CNTNAP2: variants seen among roughly 807,000 people sequenced by gnomAD.
CNTNAP2 encodes the protein contactin associated protein 2.
Under a neutral mutation model 155.2 loss-of-function variants are expected in CNTNAP2, and 98 were observed. That is an observed-to-expected ratio of 0.63 (90% confidence interval 0.54 to 0.75). The LOEUF is 0.75. CNTNAP2 is among the 30% of genes least tolerant of loss of function. The pLI, the probability that CNTNAP2 is intolerant of heterozygous loss-of-function variation, is 0.00. For synonymous variants in CNTNAP2, 651 were observed against 631.2 expected (o/e 1.03, Z -0.47); for missense variants, 1,727 against 1,688.1 (o/e 1.02, Z -0.40).
chr7:147,588,895 G>A (rs1800685404), intron 12 of CNTNAP2, among the ~76,000 whole-genome samples: 1 of 152,056 alleles, frequency 6.6e-6, no homozygotes, highest in East Asian at 1.9e-4. Flanking sequence ...TTAATTGTAG[G>A]GACCACGAAA....
At chr7:148,032,326 G>T (rs1382055470) in intron 15 of CNTNAP2, among the ~76,000 whole-genome samples, 2 of 152,140 alleles carry the variant, frequency 1.3e-5, no homozygotes, top group Non-Finnish European at 2.9e-5. Flanking sequence ...GGTACAGATG[G>T]TGTCTCAGAC....
At chr7:147,939,607 G>A (rs567228020) in intron 14 of CNTNAP2, among the ~76,000 whole-genome samples, 8 of 152,234 alleles carry the variant, frequency 5.3e-5, no homozygotes, top group South Asian at 4.1e-4. Flanking sequence ...GATTACAGGC[G>A]TGAGCCACCA....
chr7:146,472,333 A>G (rs1796811960), intron 1 of CNTNAP2, among the ~76,000 whole-genome samples: 1 of 152,210 alleles, frequency 6.6e-6, no homozygotes. Context: ...TGCACTTATT[A>G]TGTTCCATAT....
chr7:148,169,941 T>C (rs1335124617), intron 17 of CNTNAP2, among the ~76,000 whole-genome samples: 2 of 147,772 alleles, frequency 1.4e-5, no homozygotes, highest in African/African-American at 2.6e-5. Context: ...GCCTAAACAA[T>C]AGAGTGAAAA....
At chr7:146,359,990 A>G (rs1795059591) in intron 1 of CNTNAP2, among the ~76,000 whole-genome samples, 1 of 152,194 alleles carries the variant, frequency 6.6e-6, no homozygotes, top group Non-Finnish European at 1.5e-5. Context: ...AGGGGTTCAA[A>G]TTACCTTAGT....
chr7:147,042,543 AT>A (rs893273201), intron 3 of CNTNAP2, among the ~76,000 whole-genome samples: 358 of 151,270 alleles, frequency 2.4e-3, no homozygotes, highest in African/African-American at 5.0e-3. Context: ...GCTACTCTGT[AT>A]TTTTTTTTAA....
rs182591326 is a variant in CNTNAP2 at position 147,626,480 on chromosome 7, A to C, written c.1898-12626A>C. On this transcript the variant is annotated intron_variant, in intron 12 of 23. Coordinates refer to ENST00000361727, the MANE Select transcript of CNTNAP2 (RefSeq NM_014141.6). ...ACAGTGGCTATAGCAAGCCCCAGCC[A>C]AGGAGAGGCTGAGCTCAGACCTGCA... is the stretch of plus-strand genomic sequence containing the variant. Among the ~76,000 whole-genome samples the C allele has an allele frequency of 1.9e-3, 292 of 152,256 alleles. 1 individual carries two copies. The highest frequency in any genetic ancestry group is 6.5e-3 in the African/African-American group (269 of 41,560).
intron 1 of CNTNAP2, among the ~76,000 whole-genome samples, chr7:146,654,646 G>A (rs928038440): frequency 5.9e-5 from 9 of 152,144 alleles, no homozygotes; most frequent in African/African-American, 2.2e-4. Context: ...TGATTTGGTT[G>A]CATAATTTAA....
Position 148,397,392 on chromosome 7 carries a change from T to C in CNTNAP2, c.3716-11999T>C, listed in dbSNP as rs151172438. On this transcript the variant is annotated intron_variant, in intron 22 of 23. Coordinates refer to ENST00000361727, the MANE Select transcript of CNTNAP2 (RefSeq NM_014141.6). Reference sequence around the variant, plus strand: ...CTAGCATTATGAAGTGGAAAATGCATATATTTCAGATTCAGTTATTTTTTT... The same window carrying C: ...CTAGCATTATGAAGTGGAAAATGCACATATTTCAGATTCAGTTATTTTTTT... 5.6e-3 allele frequency among the ~76,000 whole-genome samples: 847 copies of C among 152,378 alleles called. 7 individuals are homozygous for C. The highest frequency in any genetic ancestry group is 0.024 in the South Asian group (118 of 4,826).
chr7:146,245,218 T>TA (rs1799625602), intron 1 of CNTNAP2, among the ~76,000 whole-genome samples: 1 of 151,886 alleles, frequency 6.6e-6, no homozygotes, highest in African/African-American at 2.4e-5. Context: ...ATCAGAGAGA[T>TA]ACAGTCATGG....
intron 3 of CNTNAP2, among the ~76,000 whole-genome samples, chr7:147,013,940 A>G (rs1198578721): frequency 3.3e-5 from 5 of 152,166 alleles, no homozygotes; most frequent in Non-Finnish European, 5.9e-5. Flanking sequence ...AGTTGTGGAC[A>G]AGTTAATGAA....
intron 11 of CNTNAP2, among the ~76,000 whole-genome samples, chr7:147,489,616 G>T (rs559087100): frequency 1.3e-5 from 2 of 152,196 alleles, no homozygotes; most frequent in South Asian, 4.1e-4. Flanking sequence ...AGCACTGTAA[G>T]AATGTATCTT....
At chr7:148,083,968 C>A (rs564109810) in intron 15 of CNTNAP2, among the ~76,000 whole-genome samples, 14 of 152,302 alleles carry the variant, frequency 9.2e-5, no homozygotes, top group Middle Eastern at 3.4e-3. Flanking sequence ...AAACCAGGAT[C>A]TGACACTCCG....
chr7:146,996,870 C>A (rs896458231), intron 3 of CNTNAP2, among the ~76,000 whole-genome samples: 3 of 152,054 alleles, frequency 2.0e-5, no homozygotes, highest in African/African-American at 4.8e-5. Context: ...ATAACGGAAT[C>A]ATAGGGGTGG....
rs142876133 is a variant in CNTNAP2, at chr7:147,477,101, C to T, written c.1671-8834C>T. On this transcript the variant is annotated intron_variant, in intron 10 of 23. Transcript: ENST00000361727. ...ATTTCTTGTATCTTTTTGTTATCGT[C>T]ATCTTTTTTCCTCCAGTAAAAGAGA... is the stretch of plus-strand genomic sequence containing the variant. Among the ~76,000 whole-genome samples the T allele has an allele frequency of 2.8e-4, 42 of 152,154 alleles. No individual in the cohort carries two copies. In the East Asian group the frequency reaches 8.1e-3, roughly 29 times the overall value.
chr7:146,221,857 TAAGTC>T (rs1463592978), intron 1 of CNTNAP2, among the ~76,000 whole-genome samples: 2 of 152,210 alleles, frequency 1.3e-5, no homozygotes, highest in Non-Finnish European at 2.9e-5. Flanking sequence ...GTATTTTTCT[TAAGTC>T]AATACAAAGG....
intron 12 of CNTNAP2, among the ~76,000 whole-genome samples, chr7:147,599,827 A>G (rs1800909343): frequency 6.6e-6 from 1 of 152,220 alleles, no homozygotes; most frequent in Admixed American, 6.5e-5. Flanking sequence ...ATTTGATTAC[A>G]TCTGCAAAGA....
intron 1 of CNTNAP2, among the ~76,000 whole-genome samples, chr7:146,439,552 C>G (rs1365495289): frequency 6.6e-6 from 1 of 151,508 alleles, no homozygotes; most frequent in East Asian, 1.9e-4. Context: ...CTGTCCAAAT[C>G]TCATCTAAAA....
Position 146,324,092 on chromosome 7 carries a change from A to T in CNTNAP2, c.97+207119A>T, listed in dbSNP as rs114169499. On this transcript the variant is annotated intron_variant, in intron 1 of 23. Transcript: ENST00000361727. ...CACTCTGGGAATTATTTGAATTTAA[A>T]ATACCCTTAAAAAGATAACAAGGCT... Among the ~76,000 whole-genome samples the T allele has an allele frequency of 5.6e-3, 849 of 152,196 alleles. 7 individuals are homozygous for T. Among genetic ancestry groups the T allele is most frequent in the African/African-American group, 0.02 (810 of 41,522 alleles).
Sources: allele counts gnomAD v4.1 joint callset (sites outside exome capture counted in the v4.1 genomes callset), GRCh38; gene constraint gnomAD v4.1.1; transcripts MANE v1.5; gene names NCBI Gene and HGNC (gene_info 2026-07-23, HGNC 2026-07-21).